Variants in APBA1 observed in about 807,000 individuals in gnomAD.
APBA1 encodes amyloid-beta A4 precursor protein-binding family A member 1.
In APBA1, 55 loss-of-function variants were observed where a neutral mutation model predicts 86.6. The observed-to-expected ratio is 0.64, with a 90% CI of 0.51 to 0.80. The LOEUF is 0.80. Among genes scored for constraint, APBA1 ranks in the 30% least tolerant of loss-of-function variants. APBA1 has a pLI of 0.00. For missense variants in APBA1, 1,090 were observed against 1,183.0 expected (o/e 0.92, Z 1.15); for synonymous variants, 511 against 493.9 (o/e 1.03, Z -0.46).
chr9:69,495,883 C>CGCA, intron 2 of APBA1, among the ~76,000 whole-genome samples: 1 of 152,116 alleles, frequency 6.6e-6, no homozygotes, highest in Non-Finnish European at 1.5e-5. Flanking sequence ...AGCTAGGGGC[C>CGCA]GCACCTCTAG....
intron 1 of APBA1, among the ~76,000 whole-genome samples, chr9:69,546,810 T>C (rs1042758989): frequency 6.6e-6 from 1 of 152,212 alleles, no homozygotes; most frequent in African/African-American, 2.4e-5. Context: ...AAGAGGCTGC[T>C]GAAGCTCTTT....
intron 10 of APBA1, among the ~76,000 whole-genome samples, chr9:69,441,936 C>T (rs1020782141): frequency 6.6e-6 from 1 of 152,222 alleles, no homozygotes; most frequent in African/African-American, 2.4e-5. Flanking sequence ...GCTCAGGCTC[C>T]TGCTCCTGTC....
At chr9:69,518,480 G>A (rs186096948) in intron 1 of APBA1, among the ~76,000 whole-genome samples, 212 of 152,178 alleles carry the variant, frequency 1.4e-3, no homozygotes, top group Non-Finnish European at 2.4e-3. Context: ...TCTATTTTCA[G>A]AGAAACTTGT....
At chr9:69,563,259 G>T (rs1836974859) in intron 1 of APBA1, among the ~76,000 whole-genome samples, 1 of 152,160 alleles carries the variant, frequency 6.6e-6, no homozygotes, top group African/African-American at 2.4e-5. Flanking sequence ...TAACCAACTT[G>T]TCACTTTAAA....
chr9:69,598,174 T>C (rs1822270151), intron 1 of APBA1, among the ~76,000 whole-genome samples: 2 of 151,680 alleles, frequency 1.3e-5, no homozygotes, highest in African/African-American at 4.8e-5. Context: ...CTCAGTAAGC[T>C]ATCACAAGAA....
In APBA1 at chr9:69,440,814, C is replaced by T. The variant is rs527311678; in HGVS notation, c.2301+182G>A. On this transcript the variant is annotated intron_variant, in intron 11 of 12. Transcript: ENST00000265381. Reference sequence around the variant, plus strand: ...CCTGCACCCACTGACCGGCACTCCCCAGTGAGATGAACCTGGTACCTCAGT... The same window carrying T: ...CCTGCACCCACTGACCGGCACTCCCTAGTGAGATGAACCTGGTACCTCAGT... Among the ~76,000 whole-genome samples, 39 of 152,290 alleles carry T rather than the reference C, an allele frequency of 2.6e-4. 1 individual carries two copies. The South Asian group carries it at 6.8e-3, about 27-fold the overall frequency.
At chr9:69,599,441 G>T (rs1468404126) in intron 1 of APBA1, among the ~76,000 whole-genome samples, 1 of 152,166 alleles carries the variant, frequency 6.6e-6, no homozygotes, top group African/African-American at 2.4e-5. Flanking sequence ...TCTAGGTGCT[G>T]TTCCTAACTG....
chr9:69,457,809 T>A (rs1835123761), intron 6 of APBA1, among the ~76,000 whole-genome samples: 1 of 152,202 alleles, frequency 6.6e-6, no homozygotes, highest in South Asian at 2.1e-4. Context: ...TCCAGCAATC[T>A]GACAAATCCA....
chr9:69,470,230 C>T (rs1052246656), intron 4 of APBA1, among the ~76,000 whole-genome samples: 2 of 152,174 alleles, frequency 1.3e-5, no homozygotes, highest in Admixed American at 6.5e-5. Context: ...TTCATAAGTT[C>T]ACTTTGAGCT....
At chr9:69,543,855 T>C (rs989036964) in intron 1 of APBA1, among the ~76,000 whole-genome samples, 4 of 152,210 alleles carry the variant, frequency 2.6e-5, no homozygotes, top group African/African-American at 9.7e-5. Context: ...CTTAACCTAA[T>C]GGGTTAATTG....
intron 1 of APBA1, among the ~76,000 whole-genome samples, chr9:69,651,448 C>T (rs142132190): frequency 2.0e-4 from 31 of 152,076 alleles, no homozygotes; most frequent in Admixed American, 3.9e-4. Context: ...ACAATCTTCC[C>T]GACCAGTAAT....
chr9:69,516,876 G>T lies in APBA1; in HGVS notation c.335C>A (p.Pro112His). The T allele has an allele frequency of 1.3e-6, 2 of 1,595,780 alleles. No individual in the cohort carries two copies. The highest frequency in any genetic ancestry group is 2.2e-5 in the South Asian group (2 of 90,304). Reference sequence around the variant, plus strand: ...CACAGCATAGGCGCTCTCGTCCTCGGGGTCCTGCGCGCGCTCCGCATCGTA... The same window carrying T: ...CACAGCATAGGCGCTCTCGTCCTCGTGGTCCTGCGCGCGCTCCGCATCGTA... ...DGYDAERAQDPEDESAYAVQY... is the reference protein window; with the variant it reads ...DGYDAERAQDHEDESAYAVQY... The change falls in exon 2 of 13, where the codon CCC becomes CAC. Residue 112 changes from proline to histidine, a missense_variant. Pro to His is a moderately conservative substitution (Grantham distance 77). Transcript: ENST00000265381. The surrounding 1 kb of genome is among the most constrained non-coding windows in gnomAD (Gnocchi z 7.3).
chr9:69,597,461 T>C (rs1822251476), intron 1 of APBA1, among the ~76,000 whole-genome samples: 1 of 152,198 alleles, frequency 6.6e-6, no homozygotes, highest in African/African-American at 2.4e-5. Context: ...ATTTTGTAGG[T>C]TGCCTGTTCA....
intron 1 of APBA1, among the ~76,000 whole-genome samples, chr9:69,517,671 A>G (rs1178209817): frequency 6.6e-6 from 1 of 152,224 alleles, no homozygotes; most frequent in African/African-American, 2.4e-5. Context: ...CTAGGATCCT[A>G]CAACTTTAGA....
chr9:69,436,134 T>C (rs1278589843), intron 11 of APBA1, among the ~76,000 whole-genome samples: 1 of 149,852 alleles, frequency 6.7e-6, no homozygotes, highest in Non-Finnish European at 1.5e-5. Flanking sequence ...GTTCCATTGG[T>C]CTATATCTCT....
chr9:69,514,746 T>TA (rs1297556810), intron 2 of APBA1, among the ~76,000 whole-genome samples: 2 of 151,820 alleles, frequency 1.3e-5, no homozygotes, highest in Non-Finnish European at 2.9e-5. Flanking sequence ...CCGTCTCTAC[T>TA]AAAAAATACA....
intron 1 of APBA1, among the ~76,000 whole-genome samples, chr9:69,542,039 ATATC>A: frequency 6.6e-6 from 1 of 152,112 alleles, no homozygotes; most frequent in East Asian, 1.9e-4. Context: ...GTTTAAAAAT[ATATC>A]TATTTATAAG....
chr9:69,658,848 C>T (rs1228167086), intron 1 of APBA1, among the ~76,000 whole-genome samples: 1 of 152,140 alleles, frequency 6.6e-6, no homozygotes, highest in Non-Finnish European at 1.5e-5. Context: ...GACCCCCTCT[C>T]TTAACTGAAG....
In APBA1 at chr9:69,516,146, C is replaced by T. The variant is rs777713745; in HGVS notation, c.1065G>A (p.Glu355=). 1.5e-5 allele frequency: 25 copies of T among 1,613,154 alleles called. No individual in the cohort carries two copies. Among genetic ancestry groups the T allele is most frequent in the Non-Finnish European group, 1.9e-5 (23 of 1,179,602 alleles). ...AISLAIKDIK[E]AIEEVKTRTI... ...TCCTGGTTTTCACCTCCTCGATGGC[C>T]TCCTTGATGTCCTTGATGGCCAGCG... is the stretch of plus-strand genomic sequence containing the variant. Residue 355 remains glutamate, a synonymous_variant, in exon 2 of 13, where the codon GAG becomes GAA. Coordinates refer to ENST00000265381, the MANE Select transcript of APBA1 (RefSeq NM_001163.4). This position sits in a 1 kb window ranked among gnomAD's most constrained non-coding sequence, Gnocchi z 7.3.
Sources: gnomAD v4.1 joint callset for allele counts (sites outside exome capture counted in the v4.1 genomes callset) on GRCh38, gnomAD v4.1.1 for gene constraint, Gnocchi (gnomAD v3.1) non-coding constraint, MANE v1.5 for transcripts, NCBI Gene and HGNC (gene_info 2026-07-23, HGNC 2026-07-21) for gene names.